Variants in PCDH15 observed in about 807,000 individuals in gnomAD.
The protein encoded by PCDH15 is protocadherin-15.
In PCDH15, 129 loss-of-function variants were observed where a neutral mutation model predicts 178.5. That is an observed-to-expected ratio of 0.72 (90% CI 0.63 to 0.84). The LOEUF (loss-of-function observed/expected upper bound fraction) is 0.84. Among genes scored for constraint, PCDH15 ranks in the 40% least tolerant of loss-of-function variants. The probability of loss-of-function intolerance (pLI) is 0.00; values close to 1 mark genes in which losing one functional copy is unlikely to be tolerated. For synonymous variants in PCDH15, 800 were observed against 732.0 expected (o/e 1.09, Z -1.50); for missense variants, 2,230 against 2,099.9 (o/e 1.06, Z -1.21).
At position 54,235,539 on chromosome 10, in the gene PCDH15, T is replaced by C. The variant is rs184115669; in HGVS notation, c.985+1284A>G. On this transcript the variant is annotated intron_variant, in intron 9 of 37. Coordinates refer to ENST00000644397, the MANE Select transcript of PCDH15 (RefSeq NM_001384140.1). Reference sequence around the variant, plus strand: ...CTCTTTTTCCACCTGGAAACTCCTGTCTTTCTGCTAAAATGACACTTCCTA... The same window carrying C: ...CTCTTTTTCCACCTGGAAACTCCTGCCTTTCTGCTAAAATGACACTTCCTA... 8.5e-5 allele frequency among the ~76,000 whole-genome samples: 13 copies of C among 152,324 alleles called. No individual in the cohort carries two copies. The East Asian group carries it at 2.5e-3, about 29-fold the overall frequency.
chr10:54,893,645 T>C (rs1374751282), intron 3 of PCDH15, among the ~76,000 whole-genome samples: 4 of 152,082 alleles, frequency 2.6e-5, no homozygotes, highest in Non-Finnish European at 5.9e-5. Context: ...TAAATTAAAT[T>C]AACAAATACT....
At chr10:55,315,770 C>T (rs866449214) in intron 1 of PCDH15, among the ~76,000 whole-genome samples, 5 of 152,256 alleles carry the variant, frequency 3.3e-5, no homozygotes, top group Middle Eastern at 3.4e-3. Context: ...GCAATCCCAG[C>T]GCTTTGGGAG....
At chr10:54,246,603 G>C (rs199829565) in intron 8 of PCDH15, among the ~76,000 whole-genome samples, 2 of 151,460 alleles carry the variant, frequency 1.3e-5, no homozygotes, top group African/African-American at 4.8e-5. Flanking sequence ...GATGAACTTT[G>C]TACTTCTTCT....
chr10:55,235,596 G>A (rs971608391), intron 1 of PCDH15, among the ~76,000 whole-genome samples: 3 of 151,918 alleles, frequency 2.0e-5, no homozygotes, highest in African/African-American at 7.3e-5. Flanking sequence ...CATTCACCCA[G>A]GGACCATAAG....
intron 2 of PCDH15, among the ~76,000 whole-genome samples, chr10:54,642,911 G>A (rs566645276): frequency 6.6e-6 from 1 of 152,074 alleles, no homozygotes; most frequent in South Asian, 2.1e-4. Context: ...AAGGCAAATT[G>A]GTGATAAAAT....
intron 3 of PCDH15, among the ~76,000 whole-genome samples, chr10:54,386,368 C>T (rs1205434227): frequency 3.3e-5 from 5 of 151,766 alleles, no homozygotes; most frequent in East Asian, 1.9e-4. Flanking sequence ...ATGTGGCCTG[C>T]GGATCATAGG....
intron 1 of PCDH15, among the ~76,000 whole-genome samples, chr10:55,301,930 T>C (rs1843292274): frequency 1.3e-5 from 2 of 152,170 alleles, no homozygotes; most frequent in African/African-American, 4.8e-5. Context: ...CTCTGTTCTG[T>C]TTTATTGAAC....
At position 54,089,996 on chromosome 10, in the gene PCDH15, T is replaced by G. The variant is rs373731707; in HGVS notation, c.1985A>C (p.Asn662Thr). The change falls in exon 16 of 38, where the codon AAT (asparagine) becomes ACT (threonine). Residue 662 changes from asparagine to threonine, a missense_variant. Asn to Thr is a moderately conservative substitution (Grantham distance 65, BLOSUM62 0). Transcript: ENST00000644397. ...IENGDPQRVF[N>T]LSETTGILTL... ...ATTTTTAACTTACGTTTCTGAAAGA[T>G]TAAAAACTCTCTGAGGATCTCCATT... The G allele has an allele frequency of 6.2e-7, 1 of 1,610,276 alleles. No homozygotes were observed. The highest frequency in any genetic ancestry group is 1.3e-5 in the African/African-American group (1 of 74,828).
intron 3 of PCDH15, among the ~76,000 whole-genome samples, chr10:54,389,075 T>C (rs1950230784): frequency 6.6e-6 from 1 of 152,116 alleles, no homozygotes; most frequent in African/African-American, 2.4e-5. Context: ...GGGTCATTTA[T>C]TTATCCCTAT....
intron 1 of PCDH15, among the ~76,000 whole-genome samples, chr10:54,774,245 G>C (rs1949452304): frequency 1.3e-5 from 2 of 151,764 alleles, no homozygotes; most frequent in Non-Finnish European, 2.9e-5. Context: ...AGCCAGGATG[G>C]TCTCGATCTC....
At chr10:53,922,637 G>C (rs2084095615) in intron 25 of PCDH15, among the ~76,000 whole-genome samples, 1 of 152,088 alleles carries the variant, frequency 6.6e-6, no homozygotes, top group African/African-American at 2.4e-5. Context: ...ATTTTCCCTA[G>C]TATAGATTTT....
intron 2 of PCDH15, among the ~76,000 whole-genome samples, chr10:54,949,637 G>A (rs981674844): frequency 2.0e-5 from 3 of 151,882 alleles, no homozygotes; most frequent in African/African-American, 7.3e-5. Context: ...TTCCCTTTAA[G>A]TTGCAATTCC....
At chr10:54,638,778 A>G (rs2093921576) in intron 2 of PCDH15, among the ~76,000 whole-genome samples, 1 of 152,172 alleles carries the variant, frequency 6.6e-6, no homozygotes, top group Non-Finnish European at 1.5e-5. Flanking sequence ...AAGATATGGA[A>G]TCAATCTAAG....
At chr10:54,566,667 A>T (rs2089083561) in intron 2 of PCDH15, among the ~76,000 whole-genome samples, 1 of 152,140 alleles carries the variant, frequency 6.6e-6, no homozygotes, top group Non-Finnish European at 1.5e-5. Flanking sequence ...TCAAGGCTTG[A>T]TAGTACACTT....
At chr10:55,168,963 T>C (rs1461980402) in intron 1 of PCDH15, among the ~76,000 whole-genome samples, 1 of 152,134 alleles carries the variant, frequency 6.6e-6, no homozygotes, top group Non-Finnish European at 1.5e-5. Context: ...TTTATAAAGA[T>C]TGGAAAATAG....
chr10:54,247,748 A>C (rs2056096934), intron 8 of PCDH15, among the ~76,000 whole-genome samples: 1 of 151,710 alleles, frequency 6.6e-6, no homozygotes, highest in South Asian at 2.1e-4. Flanking sequence ...GTAGCAATAA[A>C]GCTTTTCGAT....
intron 15 of PCDH15, among the ~76,000 whole-genome samples, chr10:54,100,671 CA>C (rs545285786): frequency 1.5e-4 from 23 of 151,226 alleles, no homozygotes; most frequent in African/African-American, 4.6e-4. Context: ...AGAATTCAGG[CA>C]AAAAAAATCG....
chr10:54,734,240 G>A (rs192044422), intron 1 of PCDH15, among the ~76,000 whole-genome samples: 1 of 151,962 alleles, frequency 6.6e-6, no homozygotes, highest in East Asian at 1.9e-4. Context: ...AGGAAAATAT[G>A]TGGGCAAAGT....
chr10:54,916,916 T>A (rs1260045321), intron 2 of PCDH15, among the ~76,000 whole-genome samples: 1 of 152,154 alleles, frequency 6.6e-6, no homozygotes, highest in Non-Finnish European at 1.5e-5. Flanking sequence ...TGGTATGTAG[T>A]GCTTACTGTC....
Sources: allele counts gnomAD v4.1 joint callset (sites outside exome capture counted in the v4.1 genomes callset), GRCh38; gene constraint gnomAD v4.1.1; transcripts MANE v1.5; gene names NCBI Gene and HGNC (gene_info 2026-07-23, HGNC 2026-07-21).